Variants in KIAA0825 observed in about 807,000 individuals in gnomAD.
KIAA0825 encodes the protein KIAA0825.
In KIAA0825, 119 loss-of-function variants were observed where a neutral mutation model predicts 147.6. The observed-to-expected ratio is 0.81, with a 90% CI of 0.69 to 0.94. KIAA0825 has a LOEUF of 0.94. KIAA0825 is among the 40% of genes least tolerant of loss of function. KIAA0825 has a pLI of 0.00. For synonymous variants in KIAA0825, 470 were observed against 518.1 expected, an observed-to-expected ratio of 0.91 and a Z score of 1.26; for missense variants, 1,381 against 1,472.7, an observed-to-expected ratio of 0.94 and a Z score of 1.02.
At chr5:94,271,767 A>C (rs1419757056) in intron 20 of KIAA0825, among the ~76,000 whole-genome samples, 1 of 152,046 alleles carries the variant, frequency 6.6e-6, no homozygotes, top group Non-Finnish European at 1.5e-5. Context: ...ACAAACAAAA[A>C]AACCTAAAAA....
chr5:94,338,614 A>G (rs1161452872), intron 20 of KIAA0825, among the ~76,000 whole-genome samples: 2 of 152,180 alleles, frequency 1.3e-5, no homozygotes, highest in African/African-American at 2.4e-5. Context: ...GTTTGGACAC[A>G]CAAATACCAC....
At chr5:94,219,778 C>T (rs1773524453) in intron 20 of KIAA0825, among the ~76,000 whole-genome samples, 1 of 152,086 alleles carries the variant, frequency 6.6e-6, no homozygotes, top group East Asian at 1.9e-4. Context: ...TAATGGTGCA[C>T]CTTTATAGGG....
chr5:94,518,554 G>A (rs1767610747), intron 5 of KIAA0825, among the ~76,000 whole-genome samples: 1 of 152,240 alleles, frequency 6.6e-6, no homozygotes, highest in South Asian at 2.1e-4. Context: ...TGACTTCTAA[G>A]TATCAATCCT....
chr5:94,232,825 A>C (rs1445425207), intron 20 of KIAA0825, among the ~76,000 whole-genome samples: 1 of 152,136 alleles, frequency 6.6e-6, no homozygotes, highest in Non-Finnish European at 1.5e-5. Flanking sequence ...ATTCATACAG[A>C]TATATTTCTT....
chr5:94,447,958 T>C (rs1168734871), intron 13 of KIAA0825, among the ~76,000 whole-genome samples: 1 of 152,030 alleles, frequency 6.6e-6, no homozygotes, highest in East Asian at 1.9e-4. Flanking sequence ...AGTGTACAGT[T>C]ATGACCTACT....
intron 5 of KIAA0825, among the ~76,000 whole-genome samples, chr5:94,499,907 G>A (rs2151111308): frequency 6.6e-6 from 1 of 152,256 alleles, no homozygotes. Flanking sequence ...CTTTGAGAAA[G>A]GCATATGGAG....
chr5:94,174,695 T>TA (rs1364114376), intron 20 of KIAA0825, among the ~76,000 whole-genome samples: 5 of 151,966 alleles, frequency 3.3e-5, no homozygotes, highest in East Asian at 1.9e-4. Context: ...CCCTTTTAAA[T>TA]AAAAAAAACT....
At chr5:94,376,120 T>G (rs1161630321) in intron 20 of KIAA0825, among the ~76,000 whole-genome samples, 2 of 152,164 alleles carry the variant, frequency 1.3e-5, no homozygotes, top group Non-Finnish European at 2.9e-5. Context: ...GGATTTACAG[T>G]TAAATATGTG....
chr5:94,462,586 A>G lies in KIAA0825; in HGVS notation c.2064-17T>C, dbSNP rs568897984. On this transcript the variant is annotated splice_polypyrimidine_tract_variant and intron_variant, in intron 11 of 20. Transcript: ENST00000682413. ...ACATCAAGTCTGTTGGAAAGAAAGA[A>G]AAGAAAATCATGTTAAACAAAATAA... 3.3e-5 allele frequency: 47 copies of G among 1,442,956 alleles called. No individual in the cohort carries two copies. The South Asian group carries it at 4.2e-4, about 13-fold the overall frequency. 89.4% of individuals were successfully genotyped at this position (1,442,956 alleles called of 1,614,324 possible).
At chr5:94,279,176 C>T (rs537958635) in intron 20 of KIAA0825, among the ~76,000 whole-genome samples, 140 of 151,994 alleles carry the variant, frequency 9.2e-4, no homozygotes, top group African/African-American at 3.3e-3. Flanking sequence ...TTAAATAAGT[C>T]CTATTTATAC....
chr5:94,200,861 T>G (rs556726405), intron 20 of KIAA0825, among the ~76,000 whole-genome samples: 245 of 150,930 alleles, frequency 1.6e-3, no homozygotes, highest in Non-Finnish European at 1.9e-3. Context: ...TCTTGATTTC[T>G]TTTTTCCTGC....
chr5:94,403,255 A>C (rs1372525147), intron 16 of KIAA0825, among the ~76,000 whole-genome samples: 1 of 152,228 alleles, frequency 6.6e-6, no homozygotes, highest in Non-Finnish European at 1.5e-5. Context: ...ATTTTAAGTT[A>C]CTCAACAAAT....
intron 5 of KIAA0825, among the ~76,000 whole-genome samples, chr5:94,501,051 C>T (rs188397112): frequency 2.0e-5 from 3 of 152,092 alleles, no homozygotes; most frequent in East Asian, 1.9e-4. Flanking sequence ...CCACTGCACC[C>T]GCCTCTTTCA....
intron 1 of KIAA0825, among the ~76,000 whole-genome samples, chr5:94,608,037 C>T (rs1787814916): frequency 6.6e-6 from 1 of 152,008 alleles, no homozygotes; most frequent in African/African-American, 2.4e-5. Flanking sequence ...TTAAGGTAAA[C>T]TGATTGGCAA....
chr5:94,608,777 A>G (rs1440963145), intron 1 of KIAA0825, among the ~76,000 whole-genome samples: 2 of 151,716 alleles, frequency 1.3e-5, no homozygotes, highest in Non-Finnish European at 2.9e-5. Flanking sequence ...AGCAAAAATT[A>G]GAATTTTGGA....
intron 20 of KIAA0825, among the ~76,000 whole-genome samples, chr5:94,163,294 T>G (rs538992422): frequency 6.6e-6 from 1 of 152,300 alleles, no homozygotes; most frequent in East Asian, 1.9e-4. Context: ...AATGAGACCT[T>G]TTGTAGGTCA....
intron 2 of KIAA0825, among the ~76,000 whole-genome samples, chr5:94,571,407 A>G (rs12514101): frequency 0.51 from 77,421 of 152,030 alleles, 20,213 homozygotes; most frequent in Non-Finnish European, 0.55. Context: ...CGTACAACTG[A>G]CATAATTTAA....
chr5:94,408,079 CA>C (rs1752297821), intron 15 of KIAA0825, among the ~76,000 whole-genome samples: 2 of 152,272 alleles, frequency 1.3e-5, no homozygotes, highest in African/African-American at 4.8e-5. Context: ...ATAAACAGGG[CA>C]ATTTCCAATA....
Position 94,396,494 on chromosome 5 carries a change from G to A in KIAA0825, c.2903C>T (p.Thr968Ile). 1.3e-6 allele frequency: 2 copies of A among 1,489,756 alleles called. No homozygotes were observed. Among genetic ancestry groups the A allele is most frequent in the Non-Finnish European group, 1.8e-6 (2 of 1,122,058 alleles). 92.3% of individuals were successfully genotyped at this position (1,489,756 alleles called of 1,614,324 possible). A position where few individuals can be genotyped will look rare whatever the true frequency, so the allele number is the denominator to read the frequency against. ...GATTACAATAGATACTGCCTGAGCA[G>A]TAAGCCTTGTGAAGCCTGGGGAAGA... ...KESCKSFTRL[T>I]AQAVSIVISK... Residue 968 changes from threonine (T) to isoleucine (I), a missense_variant, in exon 17 of 21, where the codon ACT (threonine) becomes ATT (isoleucine). Physicochemically the swap from Thr to Ile is moderately conservative, Grantham distance 89. Transcript: ENST00000682413.
Sources: allele counts gnomAD v4.1 joint callset (sites outside exome capture counted in the v4.1 genomes callset), GRCh38; gene constraint gnomAD v4.1.1; transcripts MANE v1.5; gene names NCBI Gene and HGNC (gene_info 2026-07-23, HGNC 2026-07-21).